PRRC2B: variants seen among roughly 807,000 people sequenced by gnomAD.
PRRC2B encodes the protein proline rich coiled-coil 2B.
In PRRC2B, 68 loss-of-function variants were observed where a neutral mutation model predicts 242.3. The ratio of observed to expected loss-of-function variants is 0.28; its 90% CI spans 0.23 to 0.34. PRRC2B has a LOEUF of 0.34. Among genes scored for constraint, PRRC2B ranks in the 10% least tolerant of loss-of-function variants. PRRC2B has a pLI of 1.00. For synonymous variants in PRRC2B, 1,228 were observed against 1,173.6 expected (o/e 1.05, Z -0.95); for missense variants, 2,835 against 2,954.8 (o/e 0.96, Z 0.94).
upstream of PRRC2B, among the ~76,000 whole-genome samples, chr9:131,390,476 CTTT>C (rs10688559): frequency 2.4e-5 from 1 of 41,208 alleles, no homozygotes; most frequent in Non-Finnish European, 4.1e-5. Context: ...CCTAGCTTGC[CTTT>C]TTTTTTTTTT....
chr9:131,428,966 T>C (rs1306265777), intron 1 of PRRC2B, among the ~76,000 whole-genome samples: 2 of 152,112 alleles, frequency 1.3e-5, no homozygotes, highest in Non-Finnish European at 2.9e-5. Context: ...TTTGTTGTGT[T>C]TTTTTTTAAG....
intron 18 of PRRC2B, 30 bp downstream of exon 18, chr9:131,478,649 GCT>G: frequency 2.8e-5 from 14 of 504,500 alleles, no homozygotes; most frequent in East Asian, 5.1e-5. Context: ...GGGGCATGGG[GCT>G]GGAGGGCAGG....
rs1944290118 is a variant in PRRC2B, at chr9:131,494,936, G to A, written c.6555+450G>A. Among the ~76,000 whole-genome samples the A allele has an allele frequency of 6.6e-6, 1 of 152,210 alleles. No homozygotes were observed. The highest frequency in any genetic ancestry group is 2.1e-4 in the South Asian group (1 of 4,834). ...TTTATAATGAAAAGGACATCGCAGTGTCTTTTCCTGCACGCACTATTCTCT... is the reference window on the plus strand; with the variant it reads ...TTTATAATGAAAAGGACATCGCAGTATCTTTTCCTGCACGCACTATTCTCT... On this transcript the variant is annotated intron_variant, in intron 31 of 31. Transcript: ENST00000683519. The surrounding 1 kb of genome is among the most constrained non-coding windows in gnomAD (Gnocchi z 4.3).
chr9:131,475,321 C>T lies in PRRC2B; in HGVS notation c.3192C>T (p.Ala1064=), dbSNP rs751030548. The T allele has an allele frequency of 1.3e-6, 2 of 1,593,752 alleles. No homozygotes were observed. The highest frequency in any genetic ancestry group is 2.2e-5 in the East Asian group (1 of 44,712). Reference sequence around the variant, plus strand: ...AAGCCTTTGGGGTCAGAGGACAGGCCCGGGGCCGGGGCCGTGGTTTCAGAG... The same window carrying T: ...AAGCCTTTGGGGTCAGAGGACAGGCTCGGGGCCGGGGCCGTGGTTTCAGAG... ...EEQAFGVRGQ[A]RGRGRGFREF... is the part of the protein sequence containing the mutation. Residue 1064 remains alanine, a synonymous_variant, in exon 16 of 32, where the codon GCC becomes GCT. Coordinates refer to ENST00000683519, the MANE Select transcript of PRRC2B (RefSeq NM_013318.4).
intron 13 of PRRC2B, among the ~76,000 whole-genome samples, chr9:131,469,612 G>A (rs564648989): frequency 5.3e-5 from 8 of 152,320 alleles, no homozygotes; most frequent in South Asian, 4.1e-4. Flanking sequence ...CAGGTTGGCC[G>A]CCTTTTTGTT....
chr9:131,495,757 T>G lies in PRRC2B; in HGVS notation c.6573T>G (p.Asp2191Glu), dbSNP rs778999425. The G allele has an allele frequency of 6.2e-7, 1 of 1,611,914 alleles. No homozygotes were observed. Among genetic ancestry groups the G allele is most frequent in the Non-Finnish European group, 8.5e-7 (1 of 1,178,178 alleles). The change falls in exon 32 of 32, where the codon GAT becomes GAG. Residue 2191 changes from aspartate (D) to glutamate (E), a missense_variant. Around this residue, in one of 7 missense-constraint regions of PRRC2B, gnomAD observed 574 missense variants for 626.0 expected, o/e 0.92. Transcript: ENST00000683519. ...HYVQQAKQRV[D>E]EKPSLGAVKL... ...GTCCAAAGGCAAAACAACGAGTGGA[T>G]GAGAAACCCAGCCTGGGAGCCGTGA...
In PRRC2B at chr9:131,486,165, C is replaced by G; in HGVS notation, c.5839C>G (p.Gln1947Glu). ...GCTGGTTCCTCAAACGATACCTCAG[C>G]AGCAGAGTTACCAACAGGTGACAGC... ...PRLVPQTIPQ[Q>E]QSYQQAAAAQ... Residue 1947 changes from glutamine to glutamate, a missense_variant, in exon 26 of 32, where the codon CAG becomes GAG. Transcript: ENST00000683519. The G allele has an allele frequency of 6.2e-7, 1 of 1,611,016 alleles. No homozygotes were observed. Among genetic ancestry groups the G allele is most frequent in the Non-Finnish European group, 8.5e-7 (1 of 1,178,238 alleles).
chr9:131,433,282 C>G lies in PRRC2B; in HGVS notation c.293+488C>G, dbSNP rs565884481. ...CAGACAGAGGAGACTTCTGCTGTTG[C>G]TCTAAACAGACCTAGTCATCAGTGA... On this transcript the variant is annotated intron_variant, in intron 3 of 31. Transcript: ENST00000683519. Among the ~76,000 whole-genome samples, 4 of 152,338 alleles carry G rather than the reference C, an allele frequency of 2.6e-5. No homozygotes were observed. The East Asian group carries it at 7.7e-4, about 29-fold the overall frequency.
rs370307672 is a variant in PRRC2B at position 131,495,856 on chromosome 9, G to A, written c.6672G>A (p.Val2224=). 393 of 1,609,076 alleles carry A rather than the reference G, an allele frequency of 2.4e-4. No homozygotes were observed. Among genetic ancestry groups the A allele is most frequent in the Non-Finnish European group, 3.1e-4 (365 of 1,176,216 alleles). The part of the protein sequence containing the change: ...TGAIKPRAVK[V]EESKA Reference sequence around the variant, plus strand: ...CGATCAAGCCTCGGGCTGTCAAAGTGGAGGAGAGTAAGGCCTGACAGTGCC... The same window carrying A: ...CGATCAAGCCTCGGGCTGTCAAAGTAGAGGAGAGTAAGGCCTGACAGTGCC... Residue 2224 remains valine, a synonymous_variant, in exon 32 of 32, where the codon GTG becomes GTA. Transcript: ENST00000683519.
chr9:131,495,456 C>T (rs1020345693), intron 31 of PRRC2B, among the ~76,000 whole-genome samples: 1 of 152,124 alleles, frequency 6.6e-6, no homozygotes, highest in African/African-American at 2.4e-5. Flanking sequence ...GAACTGCTTC[C>T]GCCCTGGGAT....
intron 9 of PRRC2B, among the ~76,000 whole-genome samples, chr9:131,448,547 A>AAAAAAAAAAAAAAAC (rs1554762027): frequency 0.029 from 2,897 of 98,690 alleles, 501 homozygotes; most frequent in Non-Finnish European, 0.049. Flanking sequence ...CTGTCTCAAA[A>AAAAAAAAAAAAAAAC]AAAAAAAAAA....
chr9:131,476,413 TGACA>T lies in PRRC2B; in HGVS notation c.4291_4294del (p.Gln1431AlafsTer34), dbSNP rs1206843472. The T allele has an allele frequency of 1.9e-6, 3 of 1,610,494 alleles. No individual in the cohort carries two copies. The highest frequency in any genetic ancestry group is 2.5e-6 in the Non-Finnish European group (3 of 1,178,386). On this transcript the variant is annotated frameshift_variant, in exon 16 of 32. Transcript: ENST00000683519. LOFTEE classifies it high-confidence loss of function. ...GCTTCTCCAGTCAGAGACCCGTGGT[TGACA>T]GACAGAGCCGAAAGCTGGAGCCGGG...
intron 1 of PRRC2B, among the ~76,000 whole-genome samples, chr9:131,419,673 A>C (rs1329987952): frequency 1.3e-5 from 2 of 152,160 alleles, no homozygotes; most frequent in Non-Finnish European, 1.5e-5. Flanking sequence ...TATTCCTTAC[A>C]GCAGACCTGG....
At chr9:131,442,890 T>C (rs1838647104) in intron 5 of PRRC2B, among the ~76,000 whole-genome samples, 1 of 152,176 alleles carries the variant, frequency 6.6e-6, no homozygotes, top group African/African-American at 2.4e-5. Context: ...AAAGGCTTCT[T>C]CTCTAAAGCA....
At chr9:131,392,541 C>T (rs1389684628), upstream of PRRC2B, among the ~76,000 whole-genome samples, 2 of 152,022 alleles carry the variant, frequency 1.3e-5, no homozygotes, top group African/African-American at 2.4e-5. Context: ...GGAACAAAAT[C>T]GAAAACAAAA....
rs917167332 is a variant in PRRC2B, at chr9:131,465,172, C to T, written c.1720+94C>T. On this transcript the variant is annotated intron_variant, in intron 12 of 31. Transcript: ENST00000683519. ...CTGCCTTCCTTCTTAGCTAGCAGAA[C>T]GTATGGCTTACAACGAGATCGTATT... 42 of 1,219,232 alleles carry T rather than the reference C, an allele frequency of 3.4e-5. 1 individual carries two copies. The African/African-American group carries it at 3.8e-4, about 11-fold the overall frequency. 75.5% of individuals were successfully genotyped at this position (1,219,232 alleles called of 1,614,324 possible).
At position 131,446,255 on chromosome 9, in the gene PRRC2B, AT is replaced by A. The variant is rs1383096547; in HGVS notation, c.614-143del. ...GGTCTGCCCCAACCTTCCCTGACAGATTTAACAGTTCTTCACTTTTGGTGTT... is the reference window on the plus strand; with the variant it reads ...GGTCTGCCCCAACCTTCCCTGACAGATTAACAGTTCTTCACTTTTGGTGTT... On this transcript the variant is annotated intron_variant, in intron 6 of 31. Coordinates refer to ENST00000683519, the MANE Select transcript of PRRC2B (RefSeq NM_013318.4). This position sits in a 1 kb window ranked among gnomAD's most constrained non-coding sequence, Gnocchi z 4.1. 1 of 1,013,362 alleles carries A rather than the reference AT, an allele frequency of 9.9e-7. No individual in the cohort carries two copies. Among genetic ancestry groups the A allele is most frequent in the African/African-American group, 1.6e-5 (1 of 61,580 alleles). The allele number at this position is 1,013,362 out of a possible 1,614,324, so 62.8% of individuals were successfully genotyped here.
chr9:131,418,642 G>A (rs1161892616), intron 1 of PRRC2B, among the ~76,000 whole-genome samples: 1 of 152,208 alleles, frequency 6.6e-6, no homozygotes, highest in Non-Finnish European at 1.5e-5. Context: ...GAAAGGCTTT[G>A]GGTGTAAACA....
chr9:131,391,520 C>A (rs546241849), upstream of PRRC2B, among the ~76,000 whole-genome samples: 1 of 152,250 alleles, frequency 6.6e-6, no homozygotes, highest in African/African-American at 2.4e-5. Flanking sequence ...AGAGAAGGTA[C>A]CATTTTCACA....
Sources: allele counts gnomAD v4.1 joint callset (sites outside exome capture counted in the v4.1 genomes callset), GRCh38; gene constraint gnomAD v4.1.1; regional missense constraint gnomAD v4.1.1; non-coding constraint Gnocchi (gnomAD v3.1); transcripts MANE v1.5; gene names NCBI Gene and HGNC (gene_info 2026-07-23, HGNC 2026-07-21).